TMEFF2: variants seen among roughly 807,000 people sequenced by gnomAD.
TMEFF2 encodes the protein tomoregulin-2.
In TMEFF2, 28 loss-of-function variants were observed where a neutral mutation model predicts 53.8. That is an observed-to-expected ratio of 0.52 (90% CI 0.39 to 0.71). TMEFF2 has a LOEUF of 0.71. Among genes scored for constraint, TMEFF2 ranks in the 30% least tolerant of loss-of-function variants. TMEFF2 has a pLI of 0.00. For synonymous variants in TMEFF2, 162 were observed against 166.3 expected, an observed-to-expected ratio of 0.97 and a Z score of 0.20; for missense variants, 353 against 455.2, an observed-to-expected ratio of 0.78 and a Z score of 2.04.
At chr2:192,153,824 A>G (rs1574419209) in intron 4 of TMEFF2, among the ~76,000 whole-genome samples, 1 of 151,896 alleles carries the variant, frequency 6.6e-6, no homozygotes, top group East Asian at 1.9e-4. Flanking sequence ...CTACTCAAAT[A>G]GGGATGAGAT....
intron 4 of TMEFF2, among the ~76,000 whole-genome samples, chr2:192,130,474 CAAAAG>C (rs1397335887): frequency 1.3e-5 from 2 of 152,106 alleles, no homozygotes; most frequent in Non-Finnish European, 2.9e-5. Flanking sequence ...TGAAGAATCA[CAAAAG>C]AAGTGAAAAG....
chr2:192,194,664 C>T lies in TMEFF2; in HGVS notation c.-140G>A. ...GTGGCAGTGGCACCCGGCGGGGAAG[C>T]AGCAGCCAAACCCGCGCATGATCTC... On this transcript the variant is annotated 5_prime_UTR_variant, in exon 1 of 10. Coordinates refer to ENST00000272771, the MANE Select transcript of TMEFF2 (RefSeq NM_016192.4). This position sits in a 1 kb window ranked among gnomAD's most constrained non-coding sequence, Gnocchi z 4.2. 1 of 891,256 alleles carries T rather than the reference C, an allele frequency of 1.1e-6. No individual in the cohort carries two copies. Among genetic ancestry groups the T allele is most frequent in the Non-Finnish European group, 1.7e-6 (1 of 578,722 alleles). 55.2% of individuals were successfully genotyped at this position (891,256 alleles called of 1,614,324 possible). A position where few individuals can be genotyped will look rare whatever the true frequency, so the allele number is the denominator to read the frequency against.
chr2:192,144,102 T>C lies in TMEFF2; in HGVS notation c.439+35566A>G, dbSNP rs1012902356. Among the ~76,000 whole-genome samples the C allele has an allele frequency of 1.1e-4, 16 of 152,208 alleles. No homozygotes were observed. In the East Asian group the frequency reaches 2.7e-3, roughly 26 times the overall value. ...CTTCATTTATGTGGTAAGAAAAACATAATTTCTATTTTTTGAAATCTGCGT... is the reference window on the plus strand; with the variant it reads ...CTTCATTTATGTGGTAAGAAAAACACAATTTCTATTTTTTGAAATCTGCGT... On this transcript the variant is annotated intron_variant, in intron 4 of 9. Transcript: ENST00000272771.
chr2:191,989,044 T>C (rs1686044352), intron 7 of TMEFF2, among the ~76,000 whole-genome samples: 1 of 152,186 alleles, frequency 6.6e-6, no homozygotes, highest in Non-Finnish European at 1.5e-5. Flanking sequence ...CTTTAAACTA[T>C]ATGTTAAAAA....
chr2:192,066,042 A>T (rs981127741), intron 4 of TMEFF2, among the ~76,000 whole-genome samples: 5 of 151,602 alleles, frequency 3.3e-5, no homozygotes, highest in Non-Finnish European at 7.4e-5. Flanking sequence ...TTTCTTTAAC[A>T]TTTTCTAAAT....
At chr2:192,017,362 C>T (rs1267784487) in intron 5 of TMEFF2, among the ~76,000 whole-genome samples, 1 of 152,124 alleles carries the variant, frequency 6.6e-6, no homozygotes, top group East Asian at 1.9e-4. Flanking sequence ...AGAGAGTTGC[C>T]TATTTTAGAA....
chr2:192,052,519 T>C (rs1318671952), intron 5 of TMEFF2, among the ~76,000 whole-genome samples: 1 of 152,200 alleles, frequency 6.6e-6, no homozygotes, highest in Non-Finnish European at 1.5e-5. Context: ...TAAGGCTGTT[T>C]CTAAAGTGAA....
chr2:192,027,575 T>G (rs1687003543), intron 5 of TMEFF2, among the ~76,000 whole-genome samples: 1 of 152,174 alleles, frequency 6.6e-6, no homozygotes, highest in South Asian at 2.1e-4. Context: ...CTCCTGGTAT[T>G]CATGCCCTTG....
intron 5 of TMEFF2, 52 bp downstream of exon 5, chr2:192,057,622 AAAAAG>A (rs1574334345): frequency 1.4e-6 from 2 of 1,427,434 alleles, no homozygotes; most frequent in East Asian, 4.6e-5. Context: ...TGATGGTGTT[AAAAAG>A]AAATTAATCA....
intron 4 of TMEFF2, among the ~76,000 whole-genome samples, chr2:192,170,997 T>C (rs10191803): frequency 0.66 from 100,524 of 152,034 alleles, 33,352 homozygotes; most frequent in East Asian, 0.69. Context: ...GTATTGTTCA[T>C]TTAGTACATT....
At chr2:192,086,282 G>T (rs1688668215) in intron 4 of TMEFF2, among the ~76,000 whole-genome samples, 1 of 152,060 alleles carries the variant, frequency 6.6e-6, no homozygotes, top group Non-Finnish European at 1.5e-5. Flanking sequence ...CTATATAAAA[G>T]CACATTTCAA....
At chr2:191,992,127 T>C (rs200590380) in intron 7 of TMEFF2, among the ~76,000 whole-genome samples, 1 of 152,154 alleles carries the variant, frequency 6.6e-6, no homozygotes, top group East Asian at 1.9e-4. Flanking sequence ...TATTCTAGGC[T>C]AGTCTGGTGG....
intron 4 of TMEFF2, among the ~76,000 whole-genome samples, chr2:192,165,204 T>TAA (rs34878272): frequency 1.3e-5 from 2 of 152,172 alleles, no homozygotes; most frequent in Non-Finnish European, 2.9e-5. Flanking sequence ...TCCTTGACTT[T>TAA]AAAAAATAAC....
At chr2:192,176,296 T>C (rs1309222067) in intron 4 of TMEFF2, among the ~76,000 whole-genome samples, 2 of 151,318 alleles carry the variant, frequency 1.3e-5, no homozygotes, top group East Asian at 3.9e-4. Flanking sequence ...AACAAGTTTA[T>C]TTGATGTAGA....
At chr2:192,093,320 G>A (rs115198241) in intron 4 of TMEFF2, among the ~76,000 whole-genome samples, 2,921 of 152,216 alleles carry the variant, frequency 0.019, 97 homozygotes, top group African/African-American at 0.066. Flanking sequence ...TTTCGAGGTA[G>A]TATTTGATCT....
intron 4 of TMEFF2, among the ~76,000 whole-genome samples, chr2:192,135,156 G>C (rs545251472): frequency 5.9e-5 from 9 of 152,064 alleles, no homozygotes; most frequent in Non-Finnish European, 1.2e-4. Context: ...CCTATTCTCC[G>C]TTCTCAACTA....
At chr2:192,186,141 AT>A (rs1357055975) in intron 2 of TMEFF2, among the ~76,000 whole-genome samples, 1 of 152,146 alleles carries the variant, frequency 6.6e-6, no homozygotes, top group East Asian at 1.9e-4. Context: ...TAAAAAACTG[AT>A]TTGATTAGAG....
intron 7 of TMEFF2, among the ~76,000 whole-genome samples, chr2:191,964,054 T>C (rs1292990391): frequency 6.6e-6 from 1 of 152,178 alleles, no homozygotes; most frequent in Admixed American, 6.5e-5. Context: ...CAGTGTGATA[T>C]GTACAGTATG....
intron 7 of TMEFF2, among the ~76,000 whole-genome samples, chr2:191,965,153 G>A (rs1692434378): frequency 6.6e-6 from 1 of 152,028 alleles, no homozygotes; most frequent in Admixed American, 6.6e-5. Context: ...TAGGTGATGA[G>A]GTGATCACAC....
Sources: gnomAD v4.1 joint callset for allele counts (sites outside exome capture counted in the v4.1 genomes callset) on GRCh38, gnomAD v4.1.1 for gene constraint, Gnocchi (gnomAD v3.1) non-coding constraint, MANE v1.5 for transcripts, NCBI Gene and HGNC (gene_info 2026-07-23, HGNC 2026-07-21) for gene names.